The following SIPA1L2 variants were observed in gnomAD, a reference collection of about 807,000 sequenced individuals.
The protein encoded by SIPA1L2 is signal-induced proliferation-associated 1-like protein 2.
A neutral mutation model predicts 163.9 loss-of-function variants in SIPA1L2; 56 were observed. That is an observed-to-expected ratio of 0.34 (90% confidence interval 0.28 to 0.43). The LOEUF (loss-of-function observed/expected upper bound fraction) is 0.43. Ranked by LOEUF, SIPA1L2 falls within the 20% of genes least tolerant of loss-of-function variation. SIPA1L2 has a pLI of 1.00. For missense variants in SIPA1L2, 1,974 were observed against 2,193.5 expected, an observed-to-expected ratio of 0.90 and a Z score of 2.00; for synonymous variants, 877 against 865.7, an observed-to-expected ratio of 1.01 and a Z score of -0.23.
At chr1:232,413,055 C>A (rs779323662) in intron 19 of SIPA1L2, among the ~76,000 whole-genome samples, 1 of 152,170 alleles carries the variant, frequency 6.6e-6, no homozygotes, top group Admixed American at 6.5e-5. Flanking sequence ...GTGCCAACTA[C>A]CACCCATACT....
At chr1:232,477,450 T>C (rs1665102457) in intron 7 of SIPA1L2, among the ~76,000 whole-genome samples, 1 of 152,234 alleles carries the variant, frequency 6.6e-6, no homozygotes, top group Admixed American at 6.5e-5. Flanking sequence ...ATTCAACAAA[T>C]GTTTGTTGAC....
chr1:232,612,068 G>A lies in SIPA1L2; in HGVS notation c.-319+17801C>T, dbSNP rs560939099. Among the ~76,000 whole-genome samples, 201 of 152,328 alleles carry A rather than the reference G, an allele frequency of 1.3e-3. 1 individual carries two copies. Among genetic ancestry groups the A allele is most frequent in the African/African-American group, 4.7e-3 (195 of 41,574 alleles). On this transcript the variant is annotated intron_variant, in intron 1 of 22. Coordinates refer to ENST00000674635, the MANE Select transcript of SIPA1L2 (RefSeq NM_020808.5). Reference sequence around the variant, plus strand: ...AGCGTTGAGCTGGGGCCCTGGCTTCGGAGGGGACAAGCCTCAAGCCTTGGC... The same window carrying A: ...AGCGTTGAGCTGGGGCCCTGGCTTCAGAGGGGACAAGCCTCAAGCCTTGGC...
At chr1:232,414,720 C>T (rs576921442) in intron 19 of SIPA1L2, among the ~76,000 whole-genome samples, 8 of 152,272 alleles carry the variant, frequency 5.3e-5, no homozygotes, top group Non-Finnish European at 7.4e-5. Context: ...AGCCTGCCAT[C>T]GTAAAAACTC....
rs1666040023 is a variant in SIPA1L2 at position 232,493,640 on chromosome 1, T to G, written c.1504A>C (p.Ile502Leu). 6.2e-7 allele frequency: 1 copy of G among 1,613,970 alleles called. No individual in the cohort carries two copies. Among genetic ancestry groups the G allele is most frequent in the African/African-American group, 1.3e-5 (1 of 74,912 alleles). ...YGKEHQNYFGIDENLGPVAVS... is the reference protein window; with the variant it reads ...YGKEHQNYFGLDENLGPVAVS... Reference sequence around the variant, plus strand: ...GCTACTGGACCAAGGTTTTCATCTATTCCAAAGTAGTTTTGGTGCTCTATA... The same window carrying G: ...GCTACTGGACCAAGGTTTTCATCTAGTCCAAAGTAGTTTTGGTGCTCTATA... Residue 502 changes from isoleucine to leucine, a missense_variant, in exon 4 of 23, where the codon ATA becomes CTA. Coordinates refer to ENST00000674635, the MANE Select transcript of SIPA1L2 (RefSeq NM_020808.5).
At chr1:232,443,760 C>A (rs973364556) in intron 11 of SIPA1L2, 75 bp from the exon 12 acceptor site, 21 of 1,111,336 alleles carry the variant, frequency 1.9e-5, no homozygotes, top group Admixed American at 1.5e-4. Context: ...TGTTTTGTTT[C>A]ACAAATAAAT....
intron 14 of SIPA1L2, among the ~76,000 whole-genome samples, chr1:232,440,088 T>G (rs186181599): frequency 8.7e-4 from 132 of 152,308 alleles, no homozygotes; most frequent in African/African-American, 3.1e-3. Context: ...ACAGCCCCAG[T>G]CAAAGTGCGT....
At chr1:232,402,291 G>A in intron 22 of SIPA1L2, 101 bp downstream of exon 22, 1 of 975,480 alleles carries the variant, frequency 1.0e-6, no homozygotes, top group Non-Finnish European at 1.5e-6. Context: ...TTTTGTGTAA[G>A]GCAGTTTTCT....
At chr1:232,423,407 T>C (rs1306788063) in intron 18 of SIPA1L2, among the ~76,000 whole-genome samples, 1 of 152,204 alleles carries the variant, frequency 6.6e-6, no homozygotes, top group East Asian at 1.9e-4. Context: ...AGCTTAAACT[T>C]TCCATGGACA....
intron 3 of SIPA1L2, among the ~76,000 whole-genome samples, chr1:232,499,119 CA>C (rs1486882388): frequency 6.6e-6 from 1 of 152,130 alleles, no homozygotes; most frequent in Non-Finnish European, 1.5e-5. Flanking sequence ...CCTGGAGACA[CA>C]GTAACATTGA....
intron 6 of SIPA1L2, among the ~76,000 whole-genome samples, chr1:232,480,357 C>A (rs917160122): frequency 1.3e-5 from 2 of 152,118 alleles, no homozygotes; most frequent in African/African-American, 4.8e-5. Context: ...TACATTGATA[C>A]ATCCCATGAA....
rs373023658 is a variant in SIPA1L2, at chr1:232,559,629, A to C, written c.-270+14545T>G. 4.6e-5 allele frequency among the ~76,000 whole-genome samples: 7 copies of C among 152,360 alleles called. No homozygotes were observed. The East Asian group carries it at 1.3e-3, about 29-fold the overall frequency. ...ACATACATACACAGACATACCATGT[A>C]TTTATAGAAAAAAGATGAAGAAAAT... On this transcript the variant is annotated intron_variant, in intron 2 of 22. Transcript: ENST00000674635.
At chr1:232,511,545 G>A (rs1407481970) in intron 3 of SIPA1L2, among the ~76,000 whole-genome samples, 1 of 152,116 alleles carries the variant, frequency 6.6e-6, no homozygotes, top group African/African-American at 2.4e-5. Flanking sequence ...CAATTTATCT[G>A]GCAGACAAAT....
chr1:232,453,746 C>G (rs1233424503), intron 10 of SIPA1L2, among the ~76,000 whole-genome samples: 1 of 130,210 alleles, frequency 7.7e-6, no homozygotes, highest in Non-Finnish European at 1.6e-5. Flanking sequence ...AAACACAAGG[C>G]TTTTTTTTTT....
chr1:232,511,724 A>G (rs566347375), intron 3 of SIPA1L2, among the ~76,000 whole-genome samples: 133 of 152,112 alleles, frequency 8.7e-4, no homozygotes, highest in African/African-American at 3.0e-3. Flanking sequence ...AAATATTCTC[A>G]AGACAGAAAC....
chr1:232,505,485 C>T (rs1312171921), intron 3 of SIPA1L2, among the ~76,000 whole-genome samples: 3 of 152,180 alleles, frequency 2.0e-5, no homozygotes, highest in Non-Finnish European at 2.9e-5. Context: ...ATAGGGCATT[C>T]GTTCTTCTTC....
intron 6 of SIPA1L2, among the ~76,000 whole-genome samples, chr1:232,483,022 T>C (rs957697521): frequency 2.6e-5 from 4 of 152,200 alleles, no homozygotes; most frequent in Non-Finnish European, 4.4e-5. Context: ...GCCTGCTATT[T>C]CAGATACTCA....
At chr1:232,586,667 T>C (rs1017766446) in intron 1 of SIPA1L2, among the ~76,000 whole-genome samples, 2 of 152,264 alleles carry the variant, frequency 1.3e-5, no homozygotes, top group Non-Finnish European at 1.5e-5. Flanking sequence ...CTTCTAGGCA[T>C]GAAAGCTTTC....
intron 1 of SIPA1L2, among the ~76,000 whole-genome samples, chr1:232,595,553 C>G (rs1265982439): frequency 6.6e-6 from 1 of 152,056 alleles, no homozygotes; most frequent in Admixed American, 6.5e-5. Flanking sequence ...CGGACGTTCC[C>G]CCCAGCACAC....
At chr1:232,594,297 C>T (rs1661126041) in intron 1 of SIPA1L2, among the ~76,000 whole-genome samples, 1 of 152,184 alleles carries the variant, frequency 6.6e-6, no homozygotes. Context: ...CTGCTACGGG[C>T]AGAGCTGGCT....
Sources: allele counts gnomAD v4.1 joint callset (sites outside exome capture counted in the v4.1 genomes callset), GRCh38; gene constraint gnomAD v4.1.1; transcripts MANE v1.5; gene names NCBI Gene and HGNC (gene_info 2026-07-23, HGNC 2026-07-21).